PILRA: variants seen among roughly 807,000 people sequenced by gnomAD.
PILRA encodes the protein paired immunoglobulin-like type 2 receptor alpha.
PILRA carries 37 observed loss-of-function variants against 33.1 expected under a neutral mutation model. That is an observed-to-expected ratio of 1.12 (90% CI 0.86 to 1.47). PILRA has a LOEUF of 1.47. Among genes scored for constraint, PILRA ranks in the 40% most tolerant of loss-of-function variants. PILRA has a pLI of 0.00. For synonymous variants in PILRA, 146 were observed against 149.9 expected (o/e 0.97, Z 0.19); for missense variants, 312 against 376.2 (o/e 0.83, Z 1.41).
At chr7:100,382,135 T>TG (rs1791119519) in intron 2 of PILRA, among the ~76,000 whole-genome samples, 1 of 152,138 alleles carries the variant, frequency 6.6e-6, no homozygotes, top group Non-Finnish European at 1.5e-5. Context: ...GGCGCAGAAC[T>TG]GGCAGGCAGC....
chr7:100,397,310 C>A (rs151116501), intron 3 of PILRA, among the ~76,000 whole-genome samples: 1 of 151,188 alleles, frequency 6.6e-6, no homozygotes, highest in Non-Finnish European at 1.5e-5. Context: ...AAGGATGCCA[C>A]GGGGATGGGA....
In PILRA at chr7:100,399,288, C is replaced by A. The variant is rs757238932; in HGVS notation, c.708-3C>A. ...TATTTCCTGTCCTCTTGTTCCCATA[C>A]AGGGAACCCTTCCAAAACACAGAGG... On this transcript the variant is annotated splice_region_variant and splice_polypyrimidine_tract_variant and intron_variant, in intron 4 of 6. Transcript: ENST00000198536. The A allele has an allele frequency of 8.1e-6, 13 of 1,608,018 alleles. No homozygotes were observed. Among genetic ancestry groups the A allele is most frequent in the Non-Finnish European group, 1.1e-5 (13 of 1,175,002 alleles).
chr7:100,395,676 T>C (rs1397915674), intron 3 of PILRA, among the ~76,000 whole-genome samples: 1 of 151,938 alleles, frequency 6.6e-6, no homozygotes, highest in Admixed American at 6.6e-5. Context: ...CAGAGAGCTA[T>C]CTCCTTATAC....
At chr7:100,380,742 G>C (rs142731554) in intron 2 of PILRA, among the ~76,000 whole-genome samples, 2 of 152,272 alleles carry the variant, frequency 1.3e-5, no homozygotes, top group African/African-American at 2.4e-5. Context: ...GAGGCGGGCG[G>C]ATCACTTGAA....
Position 100,384,617 on chromosome 7 carries a change from C to CA in PILRA, c.455-5264dup, listed in dbSNP as rs551072668. ...TTCACCATATTGCTCAGGCTATCCA[C>CA]AAAAAAATTTTTTTTTAAAAATTAT... On this transcript the variant is annotated intron_variant, in intron 2 of 6. Transcript: ENST00000198536. 2.7e-3 allele frequency among the ~76,000 whole-genome samples: 413 copies of CA among 151,564 alleles called. 3 individuals are homozygous for CA. Among genetic ancestry groups the CA allele is most frequent in the African/African-American group, 9.5e-3 (391 of 41,284 alleles).
intron 2 of PILRA, chr7:100,376,051 G>T (rs1182576076): frequency 6.6e-6 from 1 of 152,208 alleles, no homozygotes; most frequent in African/African-American, 2.4e-5. Context: ...GGCCAGGTGG[G>T]TTTGTTTTTT....
intron 2 of PILRA, among the ~76,000 whole-genome samples, chr7:100,384,400 C>A (rs1473426725): frequency 2.0e-5 from 3 of 149,924 alleles, no homozygotes; most frequent in Admixed American, 1.3e-4. Flanking sequence ...CATAATGGAA[C>A]CCCGTCTCTA....
upstream of PILRA, among the ~76,000 whole-genome samples, chr7:100,371,734 G>C (rs1367052756): frequency 1.3e-5 from 2 of 152,204 alleles, no homozygotes; most frequent in African/African-American, 4.8e-5. Flanking sequence ...AGCCCTGTCT[G>C]TGAGAGAGCC....
chr7:100,374,712 A>C, intron 2 of PILRA: 5 of 495,986 alleles, frequency 1.0e-5, no homozygotes, highest in Non-Finnish European at 1.5e-5. Flanking sequence ...GGACCCTCTA[A>C]TTATCCTTCA....
In PILRA at chr7:100,374,412, A is replaced by C. The variant is rs200088454; in HGVS notation, c.433A>C (p.Thr145Pro). The C allele has an allele frequency of 1.2e-6, 2 of 1,613,934 alleles. No individual in the cohort carries two copies. The highest frequency in any genetic ancestry group is 2.7e-5 in the African/African-American group (2 of 74,940). Residue 145 changes from threonine to proline, a missense_variant, in exon 2 of 7, where the codon ACC becomes CCC. Transcript: ENST00000198536. Reference protein sequence around the residue: ...GRQQWQSIEGTKLSITQAVTT... With the variant: ...GRQQWQSIEGPKLSITQAVTT... ...GCAGCAGTGGCAGTCCATCGAGGGG[A>C]CCAAACTCTCCATCACCCAGGGTGA... is the stretch of plus-strand genomic sequence containing the variant.
chr7:100,389,938 C>T lies in PILRA; in HGVS notation c.505C>T (p.Leu169Phe). Residue 169 changes from leucine (L) to phenylalanine (F), a missense_variant, in exon 3 of 7, where the codon CTC (leucine) becomes TTC (phenylalanine). Physicochemically the swap from Leu to Phe is conservative, Grantham distance 22. Coordinates refer to ENST00000198536, the MANE Select transcript of PILRA (RefSeq NM_013439.3). ...RPSSMTTTWR[L>F]SSTTTTTGLR... ...CAGCAGCATGACTACCACCTGGAGG[C>T]TCAGTAGCACAACCACCACAACCGG... 1 of 1,614,062 alleles carries T rather than the reference C, an allele frequency of 6.2e-7. No individual in the cohort carries two copies. Among genetic ancestry groups the T allele is most frequent in the African/African-American group, 1.3e-5 (1 of 74,990 alleles).
Position 100,399,778 on chromosome 7 carries a change from C to T in PILRA, c.790-7C>T, listed in dbSNP as rs560464494. 244 of 1,609,834 alleles carry T rather than the reference C, an allele frequency of 1.5e-4. 3 individuals are homozygous for T. The South Asian group carries it at 2.5e-3, about 16-fold the overall frequency. On this transcript the variant is annotated splice_polypyrimidine_tract_variant and splice_region_variant and intron_variant, in intron 6 of 6. Transcript: ENST00000198536. ...GTCTAACCCTTTCTCTCTGGGTTCT[C>T]GCCCAGGATGACGGCATCGTCTATG...
At chr7:100,399,407 CT>C in intron 5 of PILRA, 67 bp downstream of exon 5, 1 of 1,441,606 alleles carries the variant, frequency 6.9e-7, no homozygotes, top group African/African-American at 1.4e-5. Flanking sequence ...CAAATACCCC[CT>C]ACCTGGGTCC....
At chr7:100,399,649 G>A in intron 6 of PILRA, 37 bp downstream of exon 6, 1 of 1,613,628 alleles carries the variant, frequency 6.2e-7, no homozygotes, top group East Asian at 2.2e-5. Flanking sequence ...GAATTAAAGA[G>A]AAGCCTGGAG....
At chr7:100,396,209 A>C (rs1791490324) in intron 3 of PILRA, among the ~76,000 whole-genome samples, 1 of 152,206 alleles carries the variant, frequency 6.6e-6, no homozygotes, top group African/African-American at 2.4e-5. Flanking sequence ...AACTGAAAAG[A>C]AAGGTCTTGA....
At chr7:100,383,999 G>A (rs1343990026) in intron 2 of PILRA, among the ~76,000 whole-genome samples, 5 of 152,152 alleles carry the variant, frequency 3.3e-5, no homozygotes, top group African/African-American at 4.8e-5. Flanking sequence ...ATAGGTGAGC[G>A]AAGTCAGAAG....
rs530457164 is a variant in PILRA, at chr7:100,380,515, G to T, written c.454+6082G>T. 1.4e-4 allele frequency among the ~76,000 whole-genome samples: 22 copies of T among 152,218 alleles called. No individual in the cohort carries two copies. In the East Asian group the frequency reaches 2.5e-3, roughly 17 times the overall value. Reference sequence around the variant, plus strand: ...CAAAAATAAAAAATTCCATTAAAGGGCTGGGCGTGGTGGCTCATGCCTGTA... The same window carrying T: ...CAAAAATAAAAAATTCCATTAAAGGTCTGGGCGTGGTGGCTCATGCCTGTA... On this transcript the variant is annotated intron_variant, in intron 2 of 6. Transcript: ENST00000198536.
intron 2 of PILRA, 84 bp from the exon 3 acceptor site, chr7:100,389,804 A>G: frequency 1.7e-6 from 2 of 1,156,304 alleles, no homozygotes; most frequent in Non-Finnish European, 2.6e-6. Flanking sequence ...ATGTCCCCCA[A>G]CCTAGAAAGC....
chr7:100,386,471 TTTG>T (rs1365349743), intron 2 of PILRA, among the ~76,000 whole-genome samples: 1 of 152,124 alleles, frequency 6.6e-6, no homozygotes. Flanking sequence ...ACCACTGCAC[TTTG>T]TTGTTGTTGA....
Sources: gnomAD v4.1 joint callset for allele counts (sites outside exome capture counted in the v4.1 genomes callset) on GRCh38, gnomAD v4.1.1 for gene constraint, MANE v1.5 for transcripts, NCBI Gene and HGNC (gene_info 2026-07-23, HGNC 2026-07-21) for gene names.